Variants in DCAF4 observed in about 807,000 individuals in gnomAD.
DCAF4 encodes the protein DDB1 and CUL4 associated factor 4.
In DCAF4, 37 loss-of-function variants were observed where a neutral mutation model predicts 60.9. The ratio of observed to expected loss-of-function variants is 0.61; its 90% CI spans 0.47 to 0.80. The LOEUF is 0.80. Among genes scored for constraint, DCAF4 ranks in the 30% least tolerant of loss-of-function variants. The pLI is 0.00. For missense variants in DCAF4, 577 were observed against 650.0 expected, an observed-to-expected ratio of 0.89 and a Z score of 1.22; for synonymous variants, 243 against 254.8, an observed-to-expected ratio of 0.95 and a Z score of 0.44.
At chr14:72,934,814 G>A (rs1439352931) in intron 1 of DCAF4, among the ~76,000 whole-genome samples, 2 of 152,198 alleles carry the variant, frequency 1.3e-5, no homozygotes, top group African/African-American at 4.8e-5. Context: ...ACTCCCCAGT[G>A]CCTCACATGG....
At position 72,933,579 on chromosome 14, in the gene DCAF4, C is replaced by G. The variant is rs1888865510; in HGVS notation, c.-8-4392C>G. On this transcript the variant is annotated intron_variant, in intron 1 of 13. Coordinates refer to ENST00000358377, the MANE Select transcript of DCAF4 (RefSeq NM_015604.4). ...ATCTCAAAAAAAAAAAAAAAAGTCT[C>G]TAATTCTCACTGTATACCATTACCA... Among the ~76,000 whole-genome samples, 3 of 150,172 alleles carry G rather than the reference C, an allele frequency of 2.0e-5. No homozygotes were observed. The South Asian group carries it at 6.3e-4, about 32-fold the overall frequency.
chr14:72,952,552 A>G (rs67527791), intron 9 of DCAF4, among the ~76,000 whole-genome samples: 33,831 of 152,122 alleles, frequency 0.22, 4,386 homozygotes, highest in East Asian at 0.48. Context: ...ACTGAGGCAG[A>G]CAGTTTCAGA....
chr14:72,954,362 C>T (rs1594800004), intron 10 of DCAF4, 24 bp from the exon 11 acceptor site: 1 of 1,613,762 alleles, frequency 6.2e-7, no homozygotes, highest in Non-Finnish European at 8.5e-7. Context: ...CATAATCTTA[C>T]CAGCCCATCT....
rs748333256 is a variant in DCAF4 at position 72,954,213 on chromosome 14, G to A, written c.858G>A (p.Trp286Ter). Residue 286 changes from tryptophan to a stop codon, truncating the protein, a stop_gained, in exon 10 of 14, where the codon TGG becomes TGA. Coordinates refer to ENST00000358377, the MANE Select transcript of DCAF4 (RefSeq NM_015604.4). LOFTEE classifies it high-confidence loss of function. ...MLCSFRIPGA[W>*]SCAWSLNIQA... ...GCAGTTTCCGGATCCCTGGTGCCTG[G>A]TCCTGTGCCTGGTCCCTGAATATCC... is the stretch of plus-strand genomic sequence containing the variant. 1.2e-6 allele frequency: 2 copies of A among 1,614,162 alleles called. No individual in the cohort carries two copies. The highest frequency in any genetic ancestry group is 1.7e-6 in the Non-Finnish European group (2 of 1,180,028).
At position 72,951,922 on chromosome 14, in the gene DCAF4, G is replaced by A. The variant is rs768920006; in HGVS notation, c.808+45G>A. On this transcript the variant is annotated intron_variant, in intron 9 of 13. Transcript: ENST00000358377. ...TAAAGAAATCTGTCCTCTGTCTCCC[G>A]AGAGCTGTGTGGGGGTGGCTTAGAG... 2.4e-5 allele frequency: 38 copies of A among 1,605,814 alleles called. 1 individual carries two copies. In the East Asian group the frequency reaches 4.5e-4, roughly 19 times the overall value.
chr14:72,945,812 G>A (rs1363124927), intron 6 of DCAF4, 72 bp from the exon 7 acceptor site: 12 of 1,591,182 alleles, frequency 7.5e-6, no homozygotes, highest in African/African-American at 4.0e-5. Context: ...CAGGAGAGAC[G>A]GGCAGGTCCC....
intron 2 of DCAF4, 38 bp from the exon 3 acceptor site, chr14:72,939,764 G>A: frequency 1.9e-6 from 3 of 1,569,734 alleles, no homozygotes; most frequent in Non-Finnish European, 2.6e-6. Context: ...TGGAACTCAA[G>A]TCCTGGGCTG....
At position 72,954,372 on chromosome 14, in the gene DCAF4, T is replaced by C; in HGVS notation, c.908-14T>C. The C allele has an allele frequency of 6.2e-7, 1 of 1,614,102 alleles. No individual in the cohort carries two copies. Among genetic ancestry groups the C allele is most frequent in the Non-Finnish European group, 8.5e-7 (1 of 1,179,948 alleles). ...TGTGACATAATCTTACCAGCCCATC[T>C]CTGTCTCCGCCAGGCTTGTCTCGGC... On this transcript the variant is annotated splice_polypyrimidine_tract_variant and intron_variant, in intron 10 of 13. Transcript: ENST00000358377.
intron 7 of DCAF4, 34 bp from the exon 8 acceptor site, chr14:72,947,108 T>C (rs1422239197): frequency 1.9e-6 from 3 of 1,614,008 alleles, no homozygotes; most frequent in Non-Finnish European, 2.5e-6. Flanking sequence ...TACTGTAGAA[T>C]AACTTTCCAT....
intron 8 of DCAF4, among the ~76,000 whole-genome samples, chr14:72,948,305 A>G (rs1265674752): frequency 6.6e-6 from 1 of 152,162 alleles, no homozygotes; most frequent in East Asian, 1.9e-4. Context: ...CTCCTGCCTT[A>G]GCCTCCCAAG....
downstream of DCAF4, chr14:72,960,463 T>C (rs759286648): frequency 5.9e-5 from 13 of 221,268 alleles, no homozygotes; most frequent in Non-Finnish European, 9.2e-5. Context: ...TTCTTAAATA[T>C]ATTTAATCCG....
intron 9 of DCAF4, among the ~76,000 whole-genome samples, chr14:72,953,147 T>G (rs1354883911): frequency 6.6e-6 from 1 of 151,422 alleles, no homozygotes; most frequent in Non-Finnish European, 1.5e-5. Context: ...ATTACAGGCA[T>G]GTACCACCAC....
At chr14:72,939,969 C>T (rs908150116) in intron 3 of DCAF4, 67 bp downstream of exon 3, 1 of 1,428,882 alleles carries the variant, frequency 7.0e-7, no homozygotes, top group Non-Finnish European at 9.4e-7. Context: ...CCGTTCCTGG[C>T]TTGGAAGGAA....
At position 72,943,113 on chromosome 14, in the gene DCAF4, C is replaced by A; in HGVS notation, c.534+17C>A. ...CTCATACTGGTGAGTGGGAGGGGGA[C>A]ACCTGCCTAGGGTGTGGCTGCCACC... On this transcript the variant is annotated intron_variant, in intron 6 of 13. Transcript: ENST00000358377. The A allele has an allele frequency of 6.2e-7, 1 of 1,611,206 alleles. No individual in the cohort carries two copies. Among genetic ancestry groups the A allele is most frequent in the Non-Finnish European group, 8.5e-7 (1 of 1,177,434 alleles).
downstream of DCAF4, chr14:72,961,871 GC>G: frequency 9.1e-7 from 1 of 1,098,830 alleles, no homozygotes; most frequent in Non-Finnish European, 1.1e-6. Context: ...CCAGCAGATG[GC>G]CACTACAATG....
At chr14:72,938,099 T>G in intron 2 of DCAF4, 29 bp downstream of exon 2, 1 of 1,574,414 alleles carries the variant, frequency 6.4e-7, no homozygotes, top group Non-Finnish European at 8.6e-7. Context: ...GGAGCCACTT[T>G]TGCCCAGTGT....
downstream of DCAF4, chr14:72,960,702 C>T: frequency 9.4e-7 from 1 of 1,063,178 alleles, no homozygotes; most frequent in Non-Finnish European, 1.2e-6. Flanking sequence ...CAGAGACAGG[C>T]AAGTGCTGCC....
chr14:72,954,961 G>A (rs909668019), intron 11 of DCAF4, among the ~76,000 whole-genome samples: 6 of 151,886 alleles, frequency 4.0e-5, no homozygotes, highest in Non-Finnish European at 7.4e-5. Flanking sequence ...CTAAAAATAC[G>A]AAAGTTAGCC....
intron 8 of DCAF4, among the ~76,000 whole-genome samples, chr14:72,948,642 G>GT (rs1425661329): frequency 6.6e-6 from 1 of 152,202 alleles, no homozygotes; most frequent in Non-Finnish European, 1.5e-5. Context: ...AAAAATCCAT[G>GT]TAATTGGACT....
Sources: allele counts gnomAD v4.1 joint callset (sites outside exome capture counted in the v4.1 genomes callset), GRCh38; gene constraint gnomAD v4.1.1; transcripts MANE v1.5; gene names NCBI Gene and HGNC (gene_info 2026-07-23, HGNC 2026-07-21).